The following RAD51B variants were observed in gnomAD, a reference collection of about 807,000 sequenced individuals.
The protein encoded by RAD51B is RAD51 paralog B, also known as DNA repair protein RAD51 homolog 2.
In RAD51B, 38 loss-of-function variants were observed where a neutral mutation model predicts 42.2. The observed-to-expected ratio is 0.90, with a 90% CI of 0.70 to 1.18. The LOEUF is 1.18. RAD51B is among the 50% of genes most tolerant of loss of function. The probability of loss-of-function intolerance (pLI) is 0.00; values close to 1 mark genes in which losing one functional copy is unlikely to be tolerated. For missense variants in RAD51B, 373 were observed against 400.7 expected, an observed-to-expected ratio of 0.93 and a Z score of 0.59; for synonymous variants, 154 against 145.2, an observed-to-expected ratio of 1.06 and a Z score of -0.43.
At chr14:68,072,066 T>C (rs1024389102) in intron 7 of RAD51B, among the ~76,000 whole-genome samples, 11 of 93,558 alleles carry the variant, frequency 1.2e-4, no homozygotes, top group African/African-American at 7.6e-4. Context: ...TATATATTTA[T>C]ATAAATATAT....
intron 9 of RAD51B, among the ~76,000 whole-genome samples, chr14:68,416,356 T>C (rs192142903): frequency 3.3e-5 from 5 of 152,312 alleles, no homozygotes; most frequent in Admixed American, 3.3e-4. Context: ...CTGGCCCTTG[T>C]CTCTATTCTT....
chr14:68,206,033 C>T (rs1328544298), intron 7 of RAD51B, among the ~76,000 whole-genome samples: 1 of 152,154 alleles, frequency 6.6e-6, no homozygotes, highest in African/African-American at 2.4e-5. Flanking sequence ...TAGGTATTGC[C>T]TTTAGTTGTC....
intron 7 of RAD51B, among the ~76,000 whole-genome samples, chr14:68,280,658 T>G (rs2139622165): frequency 6.6e-6 from 1 of 152,302 alleles, no homozygotes; most frequent in East Asian, 1.9e-4. Flanking sequence ...GTTAGAGATG[T>G]AGAAACACAT....
At chr14:68,123,785 G>A (rs2077701190) in intron 7 of RAD51B, among the ~76,000 whole-genome samples, 2 of 152,160 alleles carry the variant, frequency 1.3e-5, no homozygotes, top group African/African-American at 4.8e-5. Flanking sequence ...TCCAGTCTGG[G>A]CAACAGAGTG....
intron 8 of RAD51B, among the ~76,000 whole-genome samples, chr14:68,407,953 G>GA (rs1272238963): frequency 3.9e-5 from 6 of 152,298 alleles, no homozygotes; most frequent in African/African-American, 1.4e-4. Context: ...GGGAGCCACT[G>GA]AAAGGTTTTG....
intron 11 of RAD51B, among the ~76,000 whole-genome samples, chr14:68,662,725 C>T (rs1892957718): frequency 6.6e-6 from 1 of 152,222 alleles, no homozygotes; most frequent in Non-Finnish European, 1.5e-5. Context: ...TTGGTAAATC[C>T]ATGCTGATTC....
chr14:68,042,678 T>C (rs2076236414), intron 7 of RAD51B, among the ~76,000 whole-genome samples: 2 of 152,216 alleles, frequency 1.3e-5, no homozygotes. Flanking sequence ...AGAATAAACA[T>C]TCTTTGTGAA....
At chr14:68,301,690 A>G (rs1324783110) in intron 8 of RAD51B, among the ~76,000 whole-genome samples, 2 of 142,328 alleles carry the variant, frequency 1.4e-5, no homozygotes, top group Non-Finnish European at 3.0e-5. Context: ...TCCACCTCCC[A>G]CACTCAAGCA....
At chr14:67,999,215 A>G (rs748938558) in intron 7 of RAD51B, among the ~76,000 whole-genome samples, 1 of 152,130 alleles carries the variant, frequency 6.6e-6, no homozygotes, top group Non-Finnish European at 1.5e-5. Context: ...CAGTGTTTAC[A>G]GTAGGACAGA....
chr14:68,047,676 A>G (rs1191882846), intron 7 of RAD51B, among the ~76,000 whole-genome samples: 1 of 152,192 alleles, frequency 6.6e-6, no homozygotes, highest in Non-Finnish European at 1.5e-5. Context: ...TAAACATTTT[A>G]CAAATATTAA....
At chr14:67,830,878 A>G (rs1001970023) in intron 3 of RAD51B, among the ~76,000 whole-genome samples, 4 of 145,740 alleles carry the variant, frequency 2.7e-5, no homozygotes, top group African/African-American at 1.1e-4. Context: ...GATTCAATTT[A>G]GTACTTGTGT....
rs1347283525 is a variant in RAD51B, at chr14:68,351,558, A to G, written c.853+59578A>G. Among the ~76,000 whole-genome samples the G allele has an allele frequency of 3.3e-5, 5 of 152,210 alleles. 1 individual carries two copies. Among genetic ancestry groups the G allele is most frequent in the African/African-American group, 1.2e-4 (5 of 41,456 alleles). On this transcript the variant is annotated intron_variant, in intron 8 of 10. Transcript: ENST00000471583. ...GACCCTTACCTCAAAGGAGAGGGGTACATTGACTAAGAGAGCACATTACAG... is the reference window on the plus strand; with the variant it reads ...GACCCTTACCTCAAAGGAGAGGGGTGCATTGACTAAGAGAGCACATTACAG...
chr14:68,665,920 T>C (rs1281475005), intron 11 of RAD51B, among the ~76,000 whole-genome samples: 1 of 152,200 alleles, frequency 6.6e-6, no homozygotes, highest in African/African-American at 2.4e-5. Context: ...AATCAGAGCA[T>C]TAGATTCTCT....
intron 10 of RAD51B, among the ~76,000 whole-genome samples, chr14:68,644,820 C>A (rs1224987576): frequency 6.6e-6 from 1 of 151,950 alleles, no homozygotes; most frequent in Non-Finnish European, 1.5e-5. Flanking sequence ...TTAGATGACA[C>A]AGAACTATAT....
chr14:67,852,498 A>G (rs1479069826), intron 4 of RAD51B, among the ~76,000 whole-genome samples: 1 of 152,222 alleles, frequency 6.6e-6, no homozygotes, highest in Non-Finnish European at 1.5e-5. Flanking sequence ...ACCTTTCCAT[A>G]GGACTGCTTG....
At chr14:67,824,399 A>G (rs2040738734) in intron 2 of RAD51B, among the ~76,000 whole-genome samples, 1 of 152,148 alleles carries the variant, frequency 6.6e-6, no homozygotes, top group Non-Finnish European at 1.5e-5. Context: ...CTGGGATTAC[A>G]GGCACATGCC....
intron 8 of RAD51B, among the ~76,000 whole-genome samples, chr14:68,296,141 A>C (rs1221985019): frequency 6.6e-6 from 1 of 152,156 alleles, no homozygotes; most frequent in Non-Finnish European, 1.5e-5. Context: ...TGTAAATCAG[A>C]ATTAAACCCT....
At chr14:68,461,336 G>GAA (rs60250666) in intron 9 of RAD51B, among the ~76,000 whole-genome samples, 1,635 of 126,468 alleles carry the variant, frequency 0.013, 37 homozygotes, top group African/African-American at 0.047. Context: ...TCCATGCAGG[G>GAA]AAAAAAAAAA....
At chr14:67,969,419 A>G (rs2074853242) in intron 7 of RAD51B, among the ~76,000 whole-genome samples, 1 of 152,154 alleles carries the variant, frequency 6.6e-6, no homozygotes, top group Non-Finnish European at 1.5e-5. Context: ...CATTGATGGG[A>G]GTTAAATGTA....
Sources: allele counts gnomAD v4.1 joint callset (sites outside exome capture counted in the v4.1 genomes callset), GRCh38; gene constraint gnomAD v4.1.1; transcripts MANE v1.5; gene names NCBI Gene and HGNC (gene_info 2026-07-23, HGNC 2026-07-21).